Variants in C12orf54 observed in about 807,000 individuals in gnomAD.
C12orf54 encodes chromosome 12 open reading frame 54.
A neutral mutation model predicts 26.4 loss-of-function variants in C12orf54; 24 were observed. That is an observed-to-expected ratio of 0.91 (90% CI 0.66 to 1.28). C12orf54 has a LOEUF of 1.28. Ranked by LOEUF, C12orf54 falls within the 50% of genes most tolerant of loss-of-function variation. The pLI is 0.00. For synonymous variants in C12orf54, 54 were observed against 47.0 expected (o/e 1.15, Z -0.61); for missense variants, 154 against 150.9 (o/e 1.02, Z -0.11).
chr12:48,420,174 G>A, the C12orf54 span, among the ~76,000 whole-genome samples: 4 of 151,906 alleles, frequency 2.6e-5, no homozygotes, highest in Non-Finnish European at 5.9e-5. Flanking sequence ...ATTCAGAAAA[G>A]CAGCTAGATG....
At chr12:48,462,422 G>A in the C12orf54 span, among the ~76,000 whole-genome samples, 8,732 of 151,248 alleles carry the variant, frequency 0.058, 468 homozygotes, top group African/African-American at 0.14. Context: ...GCCAAAAATC[G>A]GACTATGACA....
the C12orf54 span, among the ~76,000 whole-genome samples, chr12:48,434,373 G>T: frequency 6.6e-6 from 1 of 152,314 alleles, no homozygotes; most frequent in African/African-American, 2.4e-5. Context: ...AATAACCTCT[G>T]CAGACTTAAA....
chr12:48,413,993 C>A, the C12orf54 span, among the ~76,000 whole-genome samples: 1 of 152,198 alleles, frequency 6.6e-6, no homozygotes, highest in Non-Finnish European at 1.5e-5. Flanking sequence ...TGGCACTTCA[C>A]CCCCACTAAT....
chr12:48,494,425 A>G (rs182199091), intron 7 of C12orf54, among the ~76,000 whole-genome samples: 1 of 152,306 alleles, frequency 6.6e-6, no homozygotes. Flanking sequence ...ATGAAAAGTG[A>G]TTTCATATTA....
At chr12:48,453,148 T>C in the C12orf54 span, among the ~76,000 whole-genome samples, 5 of 152,342 alleles carry the variant, frequency 3.3e-5, no homozygotes, top group East Asian at 9.7e-4. Context: ...GATGGAATAC[T>C]ATGCAGCCAT....
the C12orf54 span, among the ~76,000 whole-genome samples, chr12:48,454,382 A>G: frequency 6.6e-6 from 1 of 152,114 alleles, no homozygotes; most frequent in South Asian, 2.1e-4. Flanking sequence ...TACAGACTTG[A>G]GCCACCGCAC....
chr12:48,438,937 G>T, the C12orf54 span, among the ~76,000 whole-genome samples: 1 of 152,068 alleles, frequency 6.6e-6, no homozygotes, highest in African/African-American at 2.4e-5. Context: ...CTTCTGCACA[G>T]CAAAAGAAAC....
chr12:48,479,357 T>C (rs1253094213), upstream of C12orf54, among the ~76,000 whole-genome samples: 2 of 152,108 alleles, frequency 1.3e-5, no homozygotes, highest in African/African-American at 4.8e-5. Flanking sequence ...CGTTGGGGAC[T>C]GCTGTGTGGT....
chr12:48,413,878 A>G, the C12orf54 span, among the ~76,000 whole-genome samples: 1 of 152,306 alleles, frequency 6.6e-6, no homozygotes, highest in Admixed American at 6.5e-5. Context: ...GCATTTAGCT[A>G]GGAAATCCCC....
the C12orf54 span, among the ~76,000 whole-genome samples, chr12:48,460,309 C>T: frequency 1.3e-5 from 2 of 151,854 alleles, no homozygotes; most frequent in Non-Finnish European, 2.9e-5. Context: ...CCAAACAAAA[C>T]TATAAAGAAA....
the C12orf54 span, among the ~76,000 whole-genome samples, chr12:48,418,942 C>T: frequency 6.7e-6 from 1 of 149,522 alleles, no homozygotes; most frequent in South Asian, 2.1e-4. Flanking sequence ...AAAAAAAAGC[C>T]TGAATCTTGC....
the C12orf54 span, chr12:48,417,412 G>T: frequency 6.6e-6 from 1 of 152,124 alleles, no homozygotes; most frequent in Non-Finnish European, 1.5e-5. Context: ...TTTCCTCTGA[G>T]TCTTAAATCT....
upstream of C12orf54, among the ~76,000 whole-genome samples, chr12:48,477,931 A>G (rs1030574822): frequency 7.9e-5 from 12 of 152,226 alleles, no homozygotes; most frequent in Non-Finnish European, 1.6e-4. Flanking sequence ...AAAGCCTGGC[A>G]GAGACACAAC....
the C12orf54 span, among the ~76,000 whole-genome samples, chr12:48,433,925 G>A: frequency 6.6e-6 from 1 of 152,302 alleles, no homozygotes; most frequent in East Asian, 1.9e-4. Context: ...GCAGGACAGT[G>A]GGTGCAGTGC....
chr12:48,487,896 G>T (rs1937688524), intron 4 of C12orf54: 1 of 584,174 alleles, frequency 1.7e-6, no homozygotes, highest in Non-Finnish European at 3.1e-6. Context: ...GTGGATATTT[G>T]GTTTTATAAG....
At chr12:48,427,888 A>G in the C12orf54 span, among the ~76,000 whole-genome samples, 1 of 152,086 alleles carries the variant, frequency 6.6e-6, no homozygotes, top group African/African-American at 2.4e-5. Flanking sequence ...AACAGTGCAT[A>G]GAACTTTCTC....
Position 48,488,966 on chromosome 12 carries a change from G to A in C12orf54, c.168+10G>A. ...GGATATACAAAAGGAGGTGAGATTA[G>A]ATTTTGATTCTCTGAATTCCCCAGC... On this transcript the variant is annotated intron_variant, in intron 5 of 8. Coordinates refer to ENST00000548364, the MANE Select transcript of C12orf54 (RefSeq NM_152319.4). 1 of 1,611,270 alleles carries A rather than the reference G, an allele frequency of 6.2e-7. No individual in the cohort carries two copies. Among genetic ancestry groups the A allele is most frequent in the Non-Finnish European group, 8.5e-7 (1 of 1,178,016 alleles).
the C12orf54 span, among the ~76,000 whole-genome samples, chr12:48,463,929 A>C: frequency 6.6e-6 from 1 of 152,148 alleles, no homozygotes; most frequent in African/African-American, 2.4e-5. Context: ...GAAGGAACAT[A>C]CCTCAAAATA....
At chr12:48,443,607 G>A in the C12orf54 span, among the ~76,000 whole-genome samples, 1 of 152,102 alleles carries the variant, frequency 6.6e-6, no homozygotes, top group Non-Finnish European at 1.5e-5. Context: ...GTCAATATAG[G>A]AACATACTCC....
Sources: gnomAD v4.1 joint callset for allele counts (sites outside exome capture counted in the v4.1 genomes callset) on GRCh38, gnomAD v4.1.1 for gene constraint, MANE v1.5 for transcripts, NCBI Gene and HGNC (gene_info 2026-07-23, HGNC 2026-07-21) for gene names.